Variants in STEAP1B observed in about 807,000 individuals in gnomAD.
STEAP1B encodes STEAP family protein MGC87042.
A neutral mutation model predicts 27.9 loss-of-function variants in STEAP1B; 13 were observed. That is an observed-to-expected ratio of 0.47 (90% CI 0.30 to 0.74). The LOEUF (loss-of-function observed/expected upper bound fraction) is 0.74. STEAP1B is among the 30% of genes least tolerant of loss of function. The pLI, the probability that STEAP1B is intolerant of heterozygous loss-of-function variation, is 0.06. For missense variants in STEAP1B, 250 were observed against 298.7 expected, an observed-to-expected ratio of 0.84 and a Z score of 1.20; for synonymous variants, 86 against 107.1, an observed-to-expected ratio of 0.80 and a Z score of 1.22.
At chr7:22,438,350 C>T (rs1435069462) in intron 4 of STEAP1B, 1 of 991,232 alleles carries the variant, frequency 1.0e-6, no homozygotes, top group Non-Finnish European at 1.4e-6. Context: ...CTACATAATA[C>T]TGTTAGTGAA....
In STEAP1B at chr7:22,464,066, G is replaced by A. The variant is rs538373201; in HGVS notation, c.762+28499C>T. On this transcript the variant is annotated intron_variant, in intron 4 of 4. Transcript: ENST00000678116. The stretch of plus-strand genomic sequence containing the variant: ...TTTCGCAACCTACTCATCTGACAAA[G>A]GGCTAATATCCAGAATCTACAATGA... 1.5e-4 allele frequency among the ~76,000 whole-genome samples: 23 copies of A among 152,098 alleles called. No homozygotes were observed. In the South Asian group the frequency reaches 3.5e-3, roughly 23 times the overall value.
At chr7:22,461,218 C>T (rs1441612836) in intron 4 of STEAP1B, among the ~76,000 whole-genome samples, 1 of 152,160 alleles carries the variant, frequency 6.6e-6, no homozygotes, top group Non-Finnish European at 1.5e-5. Context: ...TTCAAGGTGG[C>T]AGTGCTCTGT....
chr7:22,428,011 A>G (rs570141734), intron 4 of STEAP1B, among the ~76,000 whole-genome samples: 1 of 152,322 alleles, frequency 6.6e-6, no homozygotes, highest in Admixed American at 6.5e-5. Context: ...CAGTCCTACA[A>G]AGGAGCTTCT....
chr7:22,444,737 A>T (rs1383068252), intron 4 of STEAP1B, among the ~76,000 whole-genome samples: 2 of 152,210 alleles, frequency 1.3e-5, no homozygotes, highest in Non-Finnish European at 2.9e-5. Flanking sequence ...CCCTTTCCGG[A>T]ACACTTGCTG....
intron 4 of STEAP1B, chr7:22,438,534 A>AT: frequency 6.4e-7 from 1 of 1,551,710 alleles, no homozygotes; most frequent in East Asian, 2.4e-5. Context: ...TTTTATTGAG[A>AT]TTTTCTAGAT....
intron 4 of STEAP1B, among the ~76,000 whole-genome samples, chr7:22,472,984 C>T (rs1477431354): frequency 6.6e-6 from 1 of 152,178 alleles, no homozygotes; most frequent in Admixed American, 6.5e-5. Context: ...GCACCCTCTG[C>T]ATACTGTAGT....
intron 4 of STEAP1B, among the ~76,000 whole-genome samples, chr7:22,424,200 T>A (rs1583625903): frequency 6.6e-6 from 1 of 152,154 alleles, no homozygotes; most frequent in Admixed American, 6.5e-5. Context: ...ATTTTACACA[T>A]TGTAACACAA....
At chr7:22,499,333 C>T (rs1786494714) in intron 1 of STEAP1B, among the ~76,000 whole-genome samples, 1 of 151,896 alleles carries the variant, frequency 6.6e-6, no homozygotes, top group Non-Finnish European at 1.5e-5. Flanking sequence ...TTTATACTTT[C>T]AAGTGCACAC....
At chr7:22,495,199 T>C (rs538655755) in intron 1 of STEAP1B, among the ~76,000 whole-genome samples, 3 of 152,354 alleles carry the variant, frequency 2.0e-5, no homozygotes, top group South Asian at 4.1e-4. Context: ...CAGGTTTCCA[T>C]CTGGAGGAAA....
chr7:22,449,190 T>C (rs1257839212), intron 4 of STEAP1B, among the ~76,000 whole-genome samples: 2 of 152,234 alleles, frequency 1.3e-5, no homozygotes, highest in Non-Finnish European at 2.9e-5. Flanking sequence ...AAATTATTAT[T>C]GACTATAGTC....
chr7:22,461,188 G>A (rs563829272), intron 4 of STEAP1B, among the ~76,000 whole-genome samples: 27 of 152,280 alleles, frequency 1.8e-4, no homozygotes, highest in African/African-American at 5.5e-4. Flanking sequence ...GAAGAGGGTC[G>A]TTTCAGTTTC....
intron 4 of STEAP1B, among the ~76,000 whole-genome samples, chr7:22,431,055 T>C (rs1785180928): frequency 6.6e-6 from 1 of 152,210 alleles, no homozygotes; most frequent in Non-Finnish European, 1.5e-5. Context: ...TGTTTCCTGG[T>C]TCCAGGCTCA....
In STEAP1B at chr7:22,472,377, C is replaced by A. The variant is rs762526506; in HGVS notation, c.762+20188G>T. ...GAAGGGTGAAGGCAGGCCGGACACT[C>A]CTTGTCATTCCTAGGCCAATAGCAA... On this transcript the variant is annotated intron_variant, in intron 4 of 4. Coordinates refer to ENST00000678116, the MANE Select transcript of STEAP1B (RefSeq NM_001382447.1). Among the ~76,000 whole-genome samples, 33 of 152,192 alleles carry A rather than the reference C, an allele frequency of 2.2e-4. 1 individual carries two copies. Among genetic ancestry groups the A allele is most frequent in the Non-Finnish European group, 1.5e-5 (1 of 68,030 alleles).
intron 4 of STEAP1B, among the ~76,000 whole-genome samples, chr7:22,464,801 G>A (rs1278931363): frequency 6.6e-6 from 1 of 150,950 alleles, no homozygotes; most frequent in African/African-American, 2.4e-5. Context: ...CTCCAGAACT[G>A]GGAGGAAATA....
intron 4 of STEAP1B, among the ~76,000 whole-genome samples, chr7:22,441,798 G>A (rs913724120): frequency 2.6e-5 from 4 of 152,228 alleles, no homozygotes; most frequent in Admixed American, 6.5e-5. Context: ...CCCCAACTGT[G>A]ATGTGAATTT....
At chr7:22,430,989 G>A (rs1294556959) in intron 4 of STEAP1B, among the ~76,000 whole-genome samples, 7 of 152,164 alleles carry the variant, frequency 4.6e-5, no homozygotes, top group African/African-American at 9.7e-5. Context: ...CCTATCAAAC[G>A]ATAGCTGGTC....
chr7:22,427,329 A>G (rs975360564), intron 4 of STEAP1B, among the ~76,000 whole-genome samples: 4 of 152,218 alleles, frequency 2.6e-5, no homozygotes, highest in African/African-American at 9.7e-5. Flanking sequence ...ACTTGATGTC[A>G]TGGAGATGAC....
Position 22,492,661 on chromosome 7 carries a change from C to A in STEAP1B, c.666G>T (p.Leu222=), listed in dbSNP as rs971608323. 4 of 1,613,542 alleles carry A rather than the reference C, an allele frequency of 2.5e-6. No homozygotes were observed. In the African/African-American group the frequency reaches 5.3e-5, roughly 22 times the overall value. Residue 222 remains leucine (L), a synonymous_variant, in exon 4 of 5, where the codon CTG becomes CTT. Coordinates refer to ENST00000678116, the MANE Select transcript of STEAP1B (RefSeq NM_001382447.1). ...CCAGTATTGCCAGTCCCACAATTCC[C>A]AGAGACACATAAATCTCCATTCTCC... ...DVWRMEIYVS[L]GIVGLAILAL...
intron 4 of STEAP1B, among the ~76,000 whole-genome samples, chr7:22,474,719 G>A (rs990656800): frequency 2.6e-5 from 4 of 152,204 alleles, no homozygotes; most frequent in African/African-American, 9.7e-5. Flanking sequence ...ACAAGCTAGA[G>A]TTGCTGCAGA....
Sources: allele counts gnomAD v4.1 joint callset (sites outside exome capture counted in the v4.1 genomes callset), GRCh38; gene constraint gnomAD v4.1.1; transcripts MANE v1.5; gene names NCBI Gene and HGNC (gene_info 2026-07-23, HGNC 2026-07-21).